SPATA6: variants seen among roughly 807,000 people sequenced by gnomAD.
SPATA6 encodes the protein spermatogenesis-associated protein 6.
A neutral mutation model predicts 65.3 loss-of-function variants in SPATA6; 56 were observed. That is an observed-to-expected ratio of 0.86 (90% confidence interval 0.69 to 1.07). The LOEUF is 1.07. Among genes scored for constraint, SPATA6 ranks in the 50% least tolerant of loss-of-function variants. The pLI is 0.00. For synonymous variants in SPATA6, 199 were observed against 213.2 expected, an observed-to-expected ratio of 0.93 and a Z score of 0.58; for missense variants, 590 against 594.8, an observed-to-expected ratio of 0.99 and a Z score of 0.08.
intron 11 of SPATA6, among the ~76,000 whole-genome samples, chr1:48,343,358 G>C (rs1327961935): frequency 6.6e-6 from 1 of 152,118 alleles, no homozygotes; most frequent in Non-Finnish European, 1.5e-5. Flanking sequence ...AAACTAACTG[G>C]TCACCTTTGG....
At position 48,295,852 on chromosome 1, in the gene SPATA6, C is replaced by T. The variant is rs921866620; in HGVS notation, c.*2861G>A. 1.3e-5 allele frequency: 2 copies of T among 152,030 alleles called. No homozygotes were observed. The highest frequency in any genetic ancestry group is 2.4e-5 in the African/African-American group (1 of 41,414). The allele number at this position is 152,030 out of a possible 1,614,324, so 9.4% of individuals were successfully genotyped here. On this transcript the variant is annotated 3_prime_UTR_variant, in exon 13 of 13. Transcript: ENST00000371847. ...CTCTGCCTGCCTAGGACTTCCTGATCGTACATATTAATTGTACAATTATGA... is the reference window on the plus strand; with the variant it reads ...CTCTGCCTGCCTAGGACTTCCTGATTGTACATATTAATTGTACAATTATGA...
intron 3 of SPATA6, among the ~76,000 whole-genome samples, chr1:48,414,242 T>C (rs1474487669): frequency 6.6e-6 from 1 of 152,184 alleles, no homozygotes; most frequent in Non-Finnish European, 1.5e-5. Context: ...TACTAGGTTC[T>C]CACTATAAAT....
chr1:48,413,697 G>C (rs954880336), intron 3 of SPATA6, among the ~76,000 whole-genome samples: 1 of 152,030 alleles, frequency 6.6e-6, no homozygotes, highest in African/African-American at 2.4e-5. Flanking sequence ...TTGAGCGTTA[G>C]GGGCACCAAC....
intron 9 of SPATA6, among the ~76,000 whole-genome samples, chr1:48,384,384 GAGA>G (rs1649213193): frequency 2.5e-5 from 1 of 40,422 alleles, no homozygotes; most frequent in Admixed American, 2.4e-4. Context: ...GAGGGAGAGG[GAGA>G]GGGAGAGGGA....
chr1:48,429,792 T>G (rs1654233290), intron 3 of SPATA6, among the ~76,000 whole-genome samples: 1 of 151,996 alleles, frequency 6.6e-6, no homozygotes, highest in African/African-American at 2.4e-5. Context: ...TCAATAAAAA[T>G]ATTTAAAAGG....
chr1:48,292,440 T>C (rs367705126), downstream of SPATA6, among the ~76,000 whole-genome samples: 1 of 152,190 alleles, frequency 6.6e-6, no homozygotes, highest in Non-Finnish European at 1.5e-5. Context: ...GTGGTGCCAC[T>C]GGATATAGCA....
chr1:48,304,376 T>C (rs931736666), intron 12 of SPATA6, among the ~76,000 whole-genome samples: 1 of 152,186 alleles, frequency 6.6e-6, no homozygotes, highest in Non-Finnish European at 1.5e-5. Context: ...GCTTAATCAA[T>C]AACACTGCTT....
At chr1:48,364,190 C>T (rs1441914717) in intron 9 of SPATA6, among the ~76,000 whole-genome samples, 1 of 152,144 alleles carries the variant, frequency 6.6e-6, no homozygotes, top group African/African-American at 2.4e-5. Flanking sequence ...TTTTCTTAAT[C>T]CAATCTATTG....
intron 11 of SPATA6, among the ~76,000 whole-genome samples, chr1:48,310,560 A>G (rs1472209324): frequency 6.6e-6 from 1 of 152,174 alleles, no homozygotes; most frequent in Non-Finnish European, 1.5e-5. Context: ...TCTGGCCCCA[A>G]GGAGTTTTTT....
Position 48,385,325 on chromosome 1 carries a change from C to T in SPATA6, c.893G>A (p.Arg298Gln), listed in dbSNP as rs562916912. The T allele has an allele frequency of 1.7e-4, 278 of 1,606,850 alleles. 1 individual carries two copies. The South Asian group carries it at 2.8e-3, about 16-fold the overall frequency. ...HNDHSHLGCC[R>Q]PKDYKVIRTP... ...TCTACACACCTTATAATCCTTGGGT[C>T]GGCAGCAGCCAAGATGAGAATGATC... The change falls in exon 9 of 13, where the codon CGA becomes CAA. Residue 298 changes from arginine (R) to glutamine (Q), a missense_variant. By Grantham distance (43) the Arg-to-Gln change is conservative (BLOSUM62 1). Coordinates refer to ENST00000371847, the MANE Select transcript of SPATA6 (RefSeq NM_019073.4).
chr1:48,281,136 T>C, the SPATA6 span, among the ~76,000 whole-genome samples: 9 of 152,196 alleles, frequency 5.9e-5, no homozygotes, highest in South Asian at 2.1e-4. Flanking sequence ...TTCAACAACC[T>C]TTCATGCTAA....
chr1:48,457,402 A>T (rs1052098150), intron 1 of SPATA6, among the ~76,000 whole-genome samples: 1 of 152,230 alleles, frequency 6.6e-6, no homozygotes, highest in Non-Finnish European at 1.5e-5. Flanking sequence ...ACTGCACTCC[A>T]GCCTGGGCAA....
chr1:48,453,048 TTG>T lies in SPATA6; in HGVS notation c.133_134del (p.Gln45MetfsTer17), dbSNP rs753115592. On this transcript the variant is annotated frameshift_variant, in exon 2 of 13. Coordinates refer to ENST00000371847, the MANE Select transcript of SPATA6 (RefSeq NM_019073.4). LOFTEE classifies it high-confidence loss of function. ...CCAGGGGAAAAGTGGCTGGGACACA[TTG>T]TGTCTTTTTGTATTGGCCAAACACA... Reference protein sequence around the residue: ...ICVFGQYKKTQCVPATFPLVF... With the variant: ...ICVFGQYKKTXCVPATFPLVF... The T allele has an allele frequency of 3.1e-6, 5 of 1,613,978 alleles. No homozygotes were observed. The African/African-American group carries it at 6.7e-5, about 22-fold the overall frequency.
At chr1:48,446,198 A>G (rs182714660) in intron 3 of SPATA6, among the ~76,000 whole-genome samples, 1 of 152,332 alleles carries the variant, frequency 6.6e-6, no homozygotes, top group Non-Finnish European at 1.5e-5. Flanking sequence ...CCCAGTGTTG[A>G]GATCAGACCT....
At chr1:48,339,479 G>A (rs1646148248) in intron 11 of SPATA6, among the ~76,000 whole-genome samples, 1 of 151,936 alleles carries the variant, frequency 6.6e-6, no homozygotes, top group South Asian at 2.1e-4. Flanking sequence ...AGAGTTAGAA[G>A]ATCTTTAAAG....
chr1:48,411,338 A>C, intron 5 of SPATA6, 126 bp downstream of exon 5: 1 of 1,107,328 alleles, frequency 9.0e-7, no homozygotes, highest in East Asian at 2.8e-5. Flanking sequence ...TTAAACTACA[A>C]AACAATTAAG....
the SPATA6 span, among the ~76,000 whole-genome samples, chr1:48,288,559 T>TG: frequency 6.6e-6 from 1 of 152,172 alleles, no homozygotes; most frequent in Non-Finnish European, 1.5e-5. Context: ...TCACCTCACC[T>TG]GGGAAGTGCA....
At chr1:48,283,834 C>G in the SPATA6 span, among the ~76,000 whole-genome samples, 1 of 151,868 alleles carries the variant, frequency 6.6e-6, no homozygotes, top group Non-Finnish European at 1.5e-5. Flanking sequence ...GTGGGTAACC[C>G]GACCTTTCTC....
chr1:48,424,228 C>A (rs1179210257), intron 3 of SPATA6, among the ~76,000 whole-genome samples: 1 of 152,280 alleles, frequency 6.6e-6, no homozygotes, highest in African/African-American at 2.4e-5. Flanking sequence ...TTAGATCCTA[C>A]AAATAAGTGA....
Sources: allele counts gnomAD v4.1 joint callset (sites outside exome capture counted in the v4.1 genomes callset), GRCh38; gene constraint gnomAD v4.1.1; transcripts MANE v1.5; gene names NCBI Gene and HGNC (gene_info 2026-07-23, HGNC 2026-07-21).